MACROD2: variants seen among roughly 807,000 people sequenced by gnomAD.
MACROD2 encodes the protein mono-ADP ribosylhydrolase 2.
In MACROD2, 36 loss-of-function variants were observed where a neutral mutation model predicts 70.4. The observed-to-expected ratio is 0.51, with a 90% CI of 0.39 to 0.68. The LOEUF (loss-of-function observed/expected upper bound fraction) is 0.68. Ranked by LOEUF, MACROD2 falls within the 30% of genes least tolerant of loss-of-function variation. The probability of loss-of-function intolerance (pLI) is 0.00; values close to 1 mark genes in which losing one functional copy is unlikely to be tolerated. For synonymous variants in MACROD2, 172 were observed against 178.8 expected, an observed-to-expected ratio of 0.96 and a Z score of 0.30; for missense variants, 496 against 538.4, an observed-to-expected ratio of 0.92 and a Z score of 0.78.
chr20:14,430,411 C>T (rs1055149850), intron 3 of MACROD2, among the ~76,000 whole-genome samples: 1 of 151,904 alleles, frequency 6.6e-6, no homozygotes, highest in African/African-American at 2.4e-5. Context: ...GGCAGTAACA[C>T]TAGTGGGAAT....
intron 10 of MACROD2, among the ~76,000 whole-genome samples, chr20:15,891,596 T>C (rs1173788843): frequency 2.0e-5 from 3 of 152,154 alleles, no homozygotes; most frequent in African/African-American, 7.2e-5. Context: ...AGTAGATGAA[T>C]ATGAAATCTA....
At chr20:14,258,236 C>T (rs1013595219) in intron 3 of MACROD2, among the ~76,000 whole-genome samples, 2 of 152,116 alleles carry the variant, frequency 1.3e-5, no homozygotes, top group African/African-American at 4.8e-5. Context: ...ACTTCTTTTC[C>T]TCTGGGTAGA....
At position 15,783,768 on chromosome 20, in the gene MACROD2, C is replaced by T. The variant is rs2051875141; in HGVS notation, c.646-78977C>T. On this transcript the variant is annotated intron_variant, in intron 8 of 17. Transcript: ENST00000684519. Reference sequence around the variant, plus strand: ...AACCAGTGTGTCTCCAGTTGCCTCTCTTTCCCCGTAGCCAGACCTCCATCC... The same window carrying T: ...AACCAGTGTGTCTCCAGTTGCCTCTTTTTCCCCGTAGCCAGACCTCCATCC... Among the ~76,000 whole-genome samples, 2 of 152,188 alleles carry T rather than the reference C, an allele frequency of 1.3e-5. 1 individual carries two copies. The highest frequency in any genetic ancestry group is 4.1e-4 in the South Asian group (2 of 4,824).
In MACROD2 at chr20:14,410,186, AGGTT is replaced by A. The variant is rs536338006; in HGVS notation, c.272-83290_272-83287del. On this transcript the variant is annotated intron_variant, in intron 3 of 17. Coordinates refer to ENST00000684519, the MANE Select transcript of MACROD2 (RefSeq NM_001351661.2). ...CTTGAAAAGTTGTTTAAAAATTAGTAGGTTGGAGGTGAGGCCCAGAGTTTGCATT... is the reference window on the plus strand; with the variant it reads ...CTTGAAAAGTTGTTTAAAAATTAGTAGGAGGTGAGGCCCAGAGTTTGCATT... 3.4e-4 allele frequency among the ~76,000 whole-genome samples: 51 copies of A among 148,662 alleles called. No individual in the cohort carries two copies. The Middle Eastern group carries it at 0.01, about 31-fold the overall frequency.
chr20:15,026,398 T>A (rs2075232024), intron 5 of MACROD2, among the ~76,000 whole-genome samples: 1 of 152,084 alleles, frequency 6.6e-6, no homozygotes, highest in African/African-American at 2.4e-5. Flanking sequence ...TCCACACTAA[T>A]TTAAAATATT....
At chr20:15,582,805 C>T (rs971708722) in intron 8 of MACROD2, among the ~76,000 whole-genome samples, 1 of 152,210 alleles carries the variant, frequency 6.6e-6, no homozygotes, top group Admixed American at 6.5e-5. Flanking sequence ...AGTTCTTCAC[C>T]TCTTCACATC....
chr20:14,886,482 C>T (rs1014889412), intron 5 of MACROD2, among the ~76,000 whole-genome samples: 3 of 152,160 alleles, frequency 2.0e-5, no homozygotes, highest in African/African-American at 7.2e-5. Flanking sequence ...GTGACCTGCT[C>T]TGGTTTATCA....
rs564038677 is a variant in MACROD2, at chr20:14,890,186, T to C, written c.418+205227T>C. 4.6e-5 allele frequency among the ~76,000 whole-genome samples: 7 copies of C among 152,062 alleles called. No homozygotes were observed. The South Asian group carries it at 1.5e-3, about 32-fold the overall frequency. ...ACGTGTCAAGTGGAAGATATATAAG[T>C]CAGGAGAGAGATCTGGGCAAGAGAT... On this transcript the variant is annotated intron_variant, in intron 5 of 17. Coordinates refer to ENST00000684519, the MANE Select transcript of MACROD2 (RefSeq NM_001351661.2).
At chr20:15,090,473 G>A (rs184255612) in intron 5 of MACROD2, among the ~76,000 whole-genome samples, 3 of 152,022 alleles carry the variant, frequency 2.0e-5, no homozygotes, top group Non-Finnish European at 2.9e-5. Context: ...AGAACAAAAG[G>A]TACACTACAA....
rs567242110 is a variant in MACROD2, at chr20:14,776,821, C to T, written c.418+91862C>T. Among the ~76,000 whole-genome samples the T allele has an allele frequency of 4.6e-5, 7 of 152,138 alleles. No homozygotes were observed. The South Asian group carries it at 1.2e-3, about 27-fold the overall frequency. On this transcript the variant is annotated intron_variant, in intron 5 of 17. Transcript: ENST00000684519. ...CCAGTTGAGAAACAGAACACTTTCTCCAGTCACTATCCTCCCGCAATGAAG... is the reference window on the plus strand; with the variant it reads ...CCAGTTGAGAAACAGAACACTTTCTTCAGTCACTATCCTCCCGCAATGAAG...
intron 5 of MACROD2, among the ~76,000 whole-genome samples, chr20:14,964,302 G>T (rs151030627): frequency 6.6e-6 from 1 of 152,264 alleles, no homozygotes; most frequent in South Asian, 2.1e-4. Flanking sequence ...GCCGGGCGCG[G>T]TGGCTCACGC....
intron 8 of MACROD2, among the ~76,000 whole-genome samples, chr20:15,515,872 A>G (rs561782837): frequency 6.6e-6 from 1 of 152,276 alleles, no homozygotes; most frequent in East Asian, 1.9e-4. Flanking sequence ...TCTTTCCTTT[A>G]TCTTGGACAG....
At chr20:15,933,872 C>T (rs903375416) in intron 11 of MACROD2, among the ~76,000 whole-genome samples, 1 of 152,158 alleles carries the variant, frequency 6.6e-6, no homozygotes, top group African/African-American at 2.4e-5. Flanking sequence ...TAAACCCTTC[C>T]TGACATCCCC....
Position 14,357,818 on chromosome 20 carries a change from C to T in MACROD2, c.272-135661C>T, listed in dbSNP as rs541631332. 1.0e-3 allele frequency among the ~76,000 whole-genome samples: 159 copies of T among 152,308 alleles called. 1 individual carries two copies. The highest frequency in any genetic ancestry group is 3.8e-3 in the African/African-American group (159 of 41,568). On this transcript the variant is annotated intron_variant, in intron 3 of 17. Coordinates refer to ENST00000684519, the MANE Select transcript of MACROD2 (RefSeq NM_001351661.2). ...AAATTTTTGACTACATTTGATGATA[C>T]AATTCATGCAAATAAACTTGCAAAT...
At chr20:15,780,809 A>T (rs756334608) in intron 8 of MACROD2, among the ~76,000 whole-genome samples, 7 of 152,072 alleles carry the variant, frequency 4.6e-5, no homozygotes, top group Non-Finnish European at 1.0e-4. Flanking sequence ...TGAGAGTTGT[A>T]TGAATTCAGT....
chr20:15,265,770 A>G (rs2077288965), intron 6 of MACROD2, among the ~76,000 whole-genome samples: 1 of 152,214 alleles, frequency 6.6e-6, no homozygotes, highest in Non-Finnish European at 1.5e-5. Context: ...TCTGTTTTGA[A>G]TTAGGTTGCT....
intron 5 of MACROD2, among the ~76,000 whole-genome samples, chr20:14,686,325 A>G (rs1016837204): frequency 6.6e-6 from 1 of 152,158 alleles, no homozygotes; most frequent in Admixed American, 6.5e-5. Flanking sequence ...TTTTATATGC[A>G]CCTTATACAC....
intron 3 of MACROD2, among the ~76,000 whole-genome samples, chr20:14,148,334 A>G (rs545939015): frequency 6.6e-6 from 1 of 152,322 alleles, no homozygotes; most frequent in East Asian, 1.9e-4. Context: ...GCTGGTGAAT[A>G]AGCAGTTGAA....
At chr20:15,066,425 C>A (rs949637662) in intron 5 of MACROD2, among the ~76,000 whole-genome samples, 12 of 152,020 alleles carry the variant, frequency 7.9e-5, no homozygotes, top group African/African-American at 2.2e-4. Flanking sequence ...TGAGCCACTG[C>A]GCCCAGCCAA....
Sources: gnomAD v4.1 joint callset for allele counts (sites outside exome capture counted in the v4.1 genomes callset) on GRCh38, gnomAD v4.1.1 for gene constraint, MANE v1.5 for transcripts, NCBI Gene and HGNC (gene_info 2026-07-23, HGNC 2026-07-21) for gene names.